TRMT11: variants seen among roughly 807,000 people sequenced by gnomAD.
The protein encoded by TRMT11 is tRNA (guanine(10)-N(2))-methyltransferase TRMT11.
A neutral mutation model predicts 62.8 loss-of-function variants in TRMT11; 53 were observed. The observed-to-expected ratio is 0.84, with a 90% CI of 0.68 to 1.06. TRMT11 has a LOEUF of 1.06. Among genes scored for constraint, TRMT11 ranks in the 50% least tolerant of loss-of-function variants. TRMT11 has a pLI of 0.00. For synonymous variants in TRMT11, 188 were observed against 190.3 expected (o/e 0.99, Z 0.10); for missense variants, 556 against 553.4 (o/e 1.00, Z -0.05).
downstream of TRMT11, among the ~76,000 whole-genome samples, chr6:126,039,493 T>TG (rs1191963664): frequency 1.3e-5 from 2 of 152,204 alleles, no homozygotes; most frequent in East Asian, 3.9e-4. Flanking sequence ...CGTTGACTGT[T>TG]GCTCAAGTTA....
At chr6:126,023,567 G>A (rs1014144005) in intron 12 of TRMT11, among the ~76,000 whole-genome samples, 4 of 152,308 alleles carry the variant, frequency 2.6e-5, no homozygotes, top group African/African-American at 9.6e-5. Context: ...AGAATCACTT[G>A]AACCGGGGAG....
rs1778576316 is a variant in TRMT11 at position 126,189,955 on chromosome 6, A to G, written n.144-8844A>G. Among the ~76,000 whole-genome samples, 3 of 150,186 alleles carry G rather than the reference A, an allele frequency of 2.0e-5. No homozygotes were observed. In the South Asian group the frequency reaches 6.2e-4, roughly 31 times the overall value. On this transcript the variant is annotated intron_variant and non_coding_transcript_variant, in intron 1 of 3. Coordinates refer to the TRMT11 transcript ENST00000444229. The stretch of plus-strand genomic sequence containing the variant: ...TTTTTGGGTTACATATAATATTTTC[A>G]TACATATAATATTTTCATACATATA...
intron 17 of TRMT11, among the ~76,000 whole-genome samples, chr6:126,075,933 T>G (rs1015525229): frequency 6.6e-6 from 1 of 152,162 alleles, no homozygotes; most frequent in African/African-American, 2.4e-5. Flanking sequence ...TTCAGCATAT[T>G]TGGCCAGATC....
At chr6:126,097,421 C>T (rs549302926) in intron 17 of TRMT11, among the ~76,000 whole-genome samples, 8 of 152,066 alleles carry the variant, frequency 5.3e-5, no homozygotes, top group Admixed American at 4.6e-4. Flanking sequence ...GGCAAACTTC[C>T]AAAGAATACA....
In TRMT11 at chr6:125,999,505, A is replaced by C; in HGVS notation, c.571A>C (p.Arg191=). 1.2e-6 allele frequency: 2 copies of C among 1,611,134 alleles called. No homozygotes were observed. Among genetic ancestry groups the C allele is most frequent in the South Asian group, 2.2e-5 (2 of 90,810 alleles). The change falls in exon 7 of 13, where the codon AGA becomes CGA. Residue 191 remains arginine, a synonymous_variant. Coordinates refer to ENST00000334379, the MANE Select transcript of TRMT11 (RefSeq NM_001031712.3). ...TATTGAGTCATACAGTGTCAAAAAG[A>C]GACACTTTATTGGAAATACAAGTAT... The part of the protein sequence containing the change: ...ELIESYSVKK[R]HFIGNTSMDA...
At chr6:125,998,830 ATGTTT>A in intron 6 of TRMT11, 146 bp downstream of exon 6, 1 of 743,556 alleles carries the variant, frequency 1.3e-6, no homozygotes, top group East Asian at 2.7e-5. Flanking sequence ...GTATGTGATT[ATGTTT>A]TGTTTTGTGT....
chr6:126,209,528 G>T, the TRMT11 span, among the ~76,000 whole-genome samples: 4 of 151,550 alleles, frequency 2.6e-5, no homozygotes, highest in African/African-American at 9.7e-5. Flanking sequence ...AGACCATCCT[G>T]CCTAACACGG....
At chr6:126,210,936 C>T in the TRMT11 span, among the ~76,000 whole-genome samples, 2 of 151,858 alleles carry the variant, frequency 1.3e-5, no homozygotes, top group Non-Finnish European at 2.9e-5. Context: ...ACAAGTATGC[C>T]CTTCCCTGTA....
intron 17 of TRMT11, among the ~76,000 whole-genome samples, chr6:126,056,114 G>T (rs1776367378): frequency 6.6e-6 from 1 of 152,142 alleles, no homozygotes; most frequent in African/African-American, 2.4e-5. Flanking sequence ...GGACAGCTCT[G>T]AATTCATCTT....
chr6:126,054,144 C>T (rs920173569), intron 17 of TRMT11, among the ~76,000 whole-genome samples: 1 of 152,186 alleles, frequency 6.6e-6, no homozygotes, highest in Middle Eastern at 3.2e-3. Context: ...AATGCCAAGG[C>T]TCTTTGGGAA....
chr6:126,176,041 C>A (rs951685703), upstream of TRMT11, among the ~76,000 whole-genome samples: 1 of 152,176 alleles, frequency 6.6e-6, no homozygotes, highest in Non-Finnish European at 1.5e-5. Context: ...GAAATAACAT[C>A]ATTAAGCAAG....
chr6:126,021,604 G>A (rs534932463), intron 12 of TRMT11, among the ~76,000 whole-genome samples: 1 of 152,270 alleles, frequency 6.6e-6, no homozygotes, highest in African/African-American at 2.4e-5. Context: ...CAATGTCCTA[G>A]TTACCATTTT....
At chr6:126,166,839 A>G (rs958576141) in intron 21 of TRMT11, among the ~76,000 whole-genome samples, 1 of 152,124 alleles carries the variant, frequency 6.6e-6, no homozygotes, top group Admixed American at 6.5e-5. Context: ...GAGGCAGTGT[A>G]GCTACAGTGG....
At chr6:126,192,514 T>A (rs1440989336) in intron 1 of TRMT11, among the ~76,000 whole-genome samples, 1 of 152,154 alleles carries the variant, frequency 6.6e-6, no homozygotes, top group Non-Finnish European at 1.5e-5. Context: ...ATCCTTGTCT[T>A]TTTTGAGATC....
intron 17 of TRMT11, among the ~76,000 whole-genome samples, chr6:126,067,121 A>G (rs1223494031): frequency 1.3e-5 from 2 of 151,264 alleles, no homozygotes; most frequent in African/African-American, 4.9e-5. Flanking sequence ...ACAGCTATTC[A>G]GGAGGCTGAG....
chr6:126,149,200 GTTTTGCCCAGAACGGC>G (rs1433308535), intron 21 of TRMT11, among the ~76,000 whole-genome samples: 3 of 152,222 alleles, frequency 2.0e-5, no homozygotes, highest in Non-Finnish European at 4.4e-5. Flanking sequence ...GAAGCAGAAT[GTTTTGCCCAGAACGGC>G]TGGCTAAGCA....
chr6:126,134,649 A>C (rs1376368075), intron 21 of TRMT11, among the ~76,000 whole-genome samples: 1 of 151,910 alleles, frequency 6.6e-6, no homozygotes, highest in Non-Finnish European at 1.5e-5. Flanking sequence ...TGGACTTAAC[A>C]TACCTTTAGA....
chr6:126,104,948 T>A (rs1233686759), intron 17 of TRMT11, among the ~76,000 whole-genome samples: 2 of 152,350 alleles, frequency 1.3e-5, no homozygotes, highest in Middle Eastern at 3.4e-3. Flanking sequence ...TATGCCTTTT[T>A]AAATAATACA....
At chr6:126,255,356 C>T in the TRMT11 span, among the ~76,000 whole-genome samples, 1 of 152,142 alleles carries the variant, frequency 6.6e-6, no homozygotes, top group Non-Finnish European at 1.5e-5. Context: ...GTCTCTGTCT[C>T]TCTTTTTCCT....
Sources: allele counts gnomAD v4.1 joint callset (sites outside exome capture counted in the v4.1 genomes callset), GRCh38; gene constraint gnomAD v4.1.1; transcripts MANE v1.5; gene names NCBI Gene and HGNC (gene_info 2026-07-23, HGNC 2026-07-21).